The following EXOC4 variants were observed in gnomAD, a reference collection of about 807,000 sequenced individuals.
The protein encoded by EXOC4 is SEC8-like 1.
Under a neutral mutation model 107.2 loss-of-function variants are expected in EXOC4, and 71 were observed. That is an observed-to-expected ratio of 0.66 (90% confidence interval 0.55 to 0.81). EXOC4 has a LOEUF of 0.81. EXOC4 is among the 30% of genes least tolerant of loss of function. The pLI is 0.00. For missense variants in EXOC4, 1,108 were observed against 1,189.6 expected, an observed-to-expected ratio of 0.93 and a Z score of 1.01; for synonymous variants, 456 against 441.2, an observed-to-expected ratio of 1.03 and a Z score of -0.42.
chr7:133,359,515 C>T (rs1382377658), intron 6 of EXOC4, among the ~76,000 whole-genome samples: 1 of 152,070 alleles, frequency 6.6e-6, no homozygotes, highest in African/African-American at 2.4e-5. Flanking sequence ...AAAGTTGGAA[C>T]AGAGACCAAA....
chr7:133,748,380 C>T (rs1795720950), intron 10 of EXOC4, among the ~76,000 whole-genome samples: 1 of 152,054 alleles, frequency 6.6e-6, no homozygotes, highest in Non-Finnish European at 1.5e-5. Context: ...ATGAGCTAGG[C>T]AGGTTTCAAC....
intron 17 of EXOC4, among the ~76,000 whole-genome samples, chr7:134,039,853 C>A (rs1418421152): frequency 6.6e-6 from 1 of 152,202 alleles, no homozygotes; most frequent in Non-Finnish European, 1.5e-5. Flanking sequence ...CTGGTCCTAG[C>A]AACTCTACTT....
chr7:133,975,005 C>T (rs980707575), intron 14 of EXOC4, among the ~76,000 whole-genome samples: 5 of 140,132 alleles, frequency 3.6e-5, no homozygotes, highest in South Asian at 4.8e-4. Flanking sequence ...TAAATTCAAG[C>T]GCTGTATAAA....
At chr7:134,021,161 C>A (rs1056249029) in intron 17 of EXOC4, among the ~76,000 whole-genome samples, 14 of 152,128 alleles carry the variant, frequency 9.2e-5, no homozygotes, top group African/African-American at 3.4e-4. Context: ...TAAGAGGAAA[C>A]AAATTAGCTC....
At chr7:133,883,277 T>TCTTTGCCCA (rs1344431166) in intron 11 of EXOC4, among the ~76,000 whole-genome samples, 2 of 152,062 alleles carry the variant, frequency 1.3e-5, no homozygotes, top group African/African-American at 2.4e-5. Flanking sequence ...TACCACAATT[T>TCTTTGCCCA]CTTTGCCCAC....
At chr7:133,415,687 A>G (rs1443182307) in intron 7 of EXOC4, among the ~76,000 whole-genome samples, 1 of 152,192 alleles carries the variant, frequency 6.6e-6, no homozygotes, top group Non-Finnish European at 1.5e-5. Flanking sequence ...TATTTCTTAA[A>G]TAACAAAGGG....
At chr7:133,937,640 C>G (rs943138800) in intron 13 of EXOC4, among the ~76,000 whole-genome samples, 22 of 152,180 alleles carry the variant, frequency 1.4e-4, no homozygotes, top group African/African-American at 5.3e-4. Context: ...ATAAATCAGG[C>G]CCATACTGGT....
chr7:133,515,975 G>T (rs749392691), intron 9 of EXOC4, among the ~76,000 whole-genome samples: 3 of 152,068 alleles, frequency 2.0e-5, no homozygotes, highest in Non-Finnish European at 4.4e-5. Context: ...TCACCTAGTT[G>T]CTCTTCAGTG....
chr7:133,951,767 G>A (rs1181351733), intron 14 of EXOC4, among the ~76,000 whole-genome samples: 2 of 152,150 alleles, frequency 1.3e-5, no homozygotes, highest in African/African-American at 4.8e-5. Flanking sequence ...ATTTATTCAG[G>A]GCCACAATGA....
chr7:134,011,660 T>G (rs1309648481), intron 17 of EXOC4, among the ~76,000 whole-genome samples: 2 of 152,118 alleles, frequency 1.3e-5, no homozygotes, highest in African/African-American at 4.8e-5. Context: ...CATCAAATAT[T>G]TATTCAGCGT....
intron 9 of EXOC4, among the ~76,000 whole-genome samples, chr7:133,597,931 A>G (rs1306667256): frequency 2.0e-5 from 3 of 151,866 alleles, no homozygotes; most frequent in Non-Finnish European, 4.4e-5. Flanking sequence ...AGGCAGGAGA[A>G]TTGCTTGAAC....
At chr7:133,918,562 G>A (rs1273547963) in intron 13 of EXOC4, among the ~76,000 whole-genome samples, 2 of 152,300 alleles carry the variant, frequency 1.3e-5, no homozygotes, top group East Asian at 3.9e-4. Flanking sequence ...TGTATTATCC[G>A]TGATTGTTTT....
chr7:133,937,851 A>G lies in EXOC4; in HGVS notation c.2028-40A>G, dbSNP rs374302114. The G allele has an allele frequency of 1.1e-5, 18 of 1,606,976 alleles. No homozygotes were observed. In the African/African-American group the frequency reaches 2.1e-4, roughly 19 times the overall value. On this transcript the variant is annotated intron_variant, in intron 13 of 17. Coordinates refer to ENST00000253861, the MANE Select transcript of EXOC4 (RefSeq NM_021807.4). ...AGTGTTGCCCGGTCCTACCTTTTCC[A>G]TGCTGTATATATGAAGTGTGTTTCT...
intron 3 of EXOC4, among the ~76,000 whole-genome samples, chr7:133,293,933 G>A (rs1403704983): frequency 6.6e-6 from 1 of 152,198 alleles, no homozygotes; most frequent in African/African-American, 2.4e-5. Flanking sequence ...CTGGGTTGAT[G>A]CAAGCACATT....
rs559788495 is a variant in EXOC4 at position 133,579,991 on chromosome 7, G to A, written c.1418-50054G>A. Among the ~76,000 whole-genome samples, 34 of 152,200 alleles carry A rather than the reference G, an allele frequency of 2.2e-4. No individual in the cohort carries two copies. The South Asian group carries it at 3.9e-3, about 18-fold the overall frequency. On this transcript the variant is annotated intron_variant, in intron 9 of 17. Coordinates refer to ENST00000253861, the MANE Select transcript of EXOC4 (RefSeq NM_021807.4). ...ATTACAGGTGTGAGCCACTGCGCCC[G>A]GCCCACAATATTACTTTCTATGAAC...
chr7:133,950,359 G>T lies in EXOC4; in HGVS notation c.2206+12290G>T, dbSNP rs1013321190. 2.0e-5 allele frequency among the ~76,000 whole-genome samples: 3 copies of T among 152,220 alleles called. No homozygotes were observed. The South Asian group carries it at 6.2e-4, about 32-fold the overall frequency. On this transcript the variant is annotated intron_variant, in intron 14 of 17. Transcript: ENST00000253861. The stretch of plus-strand genomic sequence containing the variant: ...TGAAATTTTTAACTATTTTAAGCCT[G>T]AAAAAATTCTACTAGCTGTGATTCT...
rs1290798827 is a variant in EXOC4 at position 133,294,360 on chromosome 7, T to C, written c.471+5244T>C. 2.6e-5 allele frequency among the ~76,000 whole-genome samples: 4 copies of C among 152,172 alleles called. 1 individual carries two copies. Among genetic ancestry groups the C allele is most frequent in the Admixed American group, 2.6e-4 (4 of 15,276 alleles). ...AACCACTTACACAAGTTCTGATTTA[T>C]CATCCCATAGAAGTCAATTCATAAT... On this transcript the variant is annotated intron_variant, in intron 3 of 17. Coordinates refer to ENST00000253861, the MANE Select transcript of EXOC4 (RefSeq NM_021807.4).
chr7:133,309,243 A>G (rs916092202), intron 4 of EXOC4, among the ~76,000 whole-genome samples: 2 of 152,062 alleles, frequency 1.3e-5, no homozygotes, highest in African/African-American at 4.8e-5. Flanking sequence ...CTTTTTATAC[A>G]CTTAAAACCA....
chr7:133,980,713 G>A (rs1793960868), intron 14 of EXOC4, among the ~76,000 whole-genome samples: 1 of 152,162 alleles, frequency 6.6e-6, no homozygotes, highest in Non-Finnish European at 1.5e-5. Context: ...GCTTCTCCAT[G>A]TAGCTTACTC....
Sources: gnomAD v4.1 joint callset for allele counts (sites outside exome capture counted in the v4.1 genomes callset) on GRCh38, gnomAD v4.1.1 for gene constraint, MANE v1.5 for transcripts, NCBI Gene and HGNC (gene_info 2026-07-23, HGNC 2026-07-21) for gene names.